The following DPP6 variants were observed in gnomAD, a reference collection of about 807,000 sequenced individuals.
DPP6 encodes A-type potassium channel modulatory protein DPP6.
A neutral mutation model predicts 122.6 loss-of-function variants in DPP6; 69 were observed. That is an observed-to-expected ratio of 0.56 (90% confidence interval 0.46 to 0.69). The LOEUF (loss-of-function observed/expected upper bound fraction) is 0.69, where lower values mean the gene tolerates loss of function less well. DPP6 is among the 30% of genes least tolerant of loss of function. The pLI is 0.00. For missense variants in DPP6, 928 were observed against 1,116.9 expected (o/e 0.83, Z 2.41); for synonymous variants, 418 against 433.1 (o/e 0.97, Z 0.43).
intron 25 of DPP6, chr7:154,891,202 G>C (rs1240679665): frequency 1.3e-5 from 2 of 152,240 alleles, no homozygotes; most frequent in African/African-American, 4.8e-5. Flanking sequence ...TGGCATTCCA[G>C]CCTGGGCGAC....
At chr7:154,752,109 C>T (rs766456176) in intron 8 of DPP6, among the ~76,000 whole-genome samples, 7 of 152,044 alleles carry the variant, frequency 4.6e-5, no homozygotes, top group Non-Finnish European at 8.8e-5. Context: ...CATATAGGGG[C>T]CTTGTCTATG....
intron 1 of DPP6, among the ~76,000 whole-genome samples, chr7:154,268,386 T>A (rs960820937): frequency 6.6e-6 from 1 of 152,200 alleles, no homozygotes; most frequent in African/African-American, 2.4e-5. Context: ...AGATTCAGCA[T>A]CTGGTGAGGG....
chr7:154,348,549 G>A (rs1018813961), intron 1 of DPP6, among the ~76,000 whole-genome samples: 2 of 152,106 alleles, frequency 1.3e-5, no homozygotes, highest in East Asian at 1.9e-4. Context: ...CCCAAAGCAC[G>A]TAGAAGTCAT....
rs939195728 is a variant in DPP6, at chr7:154,879,284, A to G, written c.2079-1604A>G. Among the ~76,000 whole-genome samples, 3 of 92,706 alleles carry G rather than the reference A, an allele frequency of 3.2e-5. 1 individual carries two copies. Among genetic ancestry groups the G allele is most frequent in the Non-Finnish European group, 5.8e-5 (3 of 51,476 alleles). 60.8% of individuals were successfully genotyped at this position (92,706 alleles called of 152,430 possible). A position where few individuals can be genotyped will look rare whatever the true frequency, so the allele number is the denominator to read the frequency against. On this transcript the variant is annotated intron_variant, in intron 20 of 25. Transcript: ENST00000377770. ...AACATGGTGAAACCCCGTCTCTATT[A>G]AAAACACAAAAATCGGCCGGGCGCG...
intron 6 of DPP6, among the ~76,000 whole-genome samples, chr7:154,665,698 C>G (rs1253124664): frequency 6.6e-6 from 1 of 151,994 alleles, no homozygotes; most frequent in Non-Finnish European, 1.5e-5. Context: ...TGGACAGACG[C>G]AGGACATATT....
At chr7:153,953,365 C>A (rs1457374744) in intron 1 of DPP6, among the ~76,000 whole-genome samples, 4 of 152,096 alleles carry the variant, frequency 2.6e-5, no homozygotes, top group Non-Finnish European at 5.9e-5. Flanking sequence ...AGAGATGGAA[C>A]TAAGGAAATG....
chr7:154,458,367 C>T (rs993197817), intron 2 of DPP6, among the ~76,000 whole-genome samples: 1 of 152,194 alleles, frequency 6.6e-6, no homozygotes, highest in East Asian at 1.9e-4. Flanking sequence ...CCTTTGCCTT[C>T]CACCATGATT....
At chr7:154,382,331 T>C (rs1049894295) in intron 1 of DPP6, among the ~76,000 whole-genome samples, 2 of 151,970 alleles carry the variant, frequency 1.3e-5, no homozygotes, top group African/African-American at 4.8e-5. Context: ...ACCACAAGCT[T>C]GCGCCACCAC....
chr7:154,203,579 A>C (rs1799281177), intron 1 of DPP6, among the ~76,000 whole-genome samples: 1 of 152,190 alleles, frequency 6.6e-6, no homozygotes, highest in Non-Finnish European at 1.5e-5. Context: ...AAGGACAGAC[A>C]CACCCAACTG....
chr7:153,891,751 C>A (rs991388518), intron 1 of DPP6, among the ~76,000 whole-genome samples: 1 of 152,170 alleles, frequency 6.6e-6, no homozygotes, highest in Non-Finnish European at 1.5e-5. Flanking sequence ...GACTAAACAT[C>A]TTGGGGACTG....
At chr7:154,656,157 G>C (rs1354354737) in intron 6 of DPP6, among the ~76,000 whole-genome samples, 2 of 147,828 alleles carry the variant, frequency 1.4e-5, no homozygotes, top group Non-Finnish European at 3.0e-5. Flanking sequence ...CAGAGACGAG[G>C]ACCAGAGAGG....
At chr7:153,914,371 A>G (rs536837801) in intron 1 of DPP6, among the ~76,000 whole-genome samples, 1 of 152,260 alleles carries the variant, frequency 6.6e-6, no homozygotes, top group East Asian at 1.9e-4. Context: ...ACTAATACAT[A>G]TGGCTAAGTC....
intron 1 of DPP6, among the ~76,000 whole-genome samples, chr7:154,423,392 T>C (rs1241936492): frequency 1.3e-5 from 2 of 152,078 alleles, no homozygotes; most frequent in Non-Finnish European, 2.9e-5. Context: ...AGAGGCTCTG[T>C]CCTCAGGTGT....
chr7:154,765,947 A>G (rs541169971), intron 8 of DPP6, among the ~76,000 whole-genome samples: 5 of 152,348 alleles, frequency 3.3e-5, no homozygotes, highest in African/African-American at 1.2e-4. Context: ...TGCCTCATTA[A>G]GCTGGAATCC....
At chr7:154,545,384 G>A (rs1181068095) in intron 4 of DPP6, among the ~76,000 whole-genome samples, 1 of 151,842 alleles carries the variant, frequency 6.6e-6, no homozygotes, top group African/African-American at 2.4e-5. Flanking sequence ...AAGTCCTCAT[G>A]AATTTTTATC....
rs117021269 is a variant in DPP6, at chr7:154,817,396, A to G, written c.1666+10284A>G. 1.6e-3 allele frequency among the ~76,000 whole-genome samples: 249 copies of G among 152,310 alleles called. 1 individual carries two copies. Among genetic ancestry groups the G allele is most frequent in the Non-Finnish European group, 1.2e-3 (83 of 68,024 alleles). Reference sequence around the variant, plus strand: ...CAAAAGTCATGATGTCATTAACATCATGAGTGATTTATGATGTCATGAACA... The same window carrying G: ...CAAAAGTCATGATGTCATTAACATCGTGAGTGATTTATGATGTCATGAACA... On this transcript the variant is annotated intron_variant, in intron 16 of 25. Coordinates refer to ENST00000377770, the MANE Select transcript of DPP6 (RefSeq NM_130797.4).
chr7:154,831,091 C>G (rs1313485360), intron 16 of DPP6, among the ~76,000 whole-genome samples: 1 of 152,180 alleles, frequency 6.6e-6, no homozygotes, highest in East Asian at 1.9e-4. Flanking sequence ...CAGAAGCCAC[C>G]CTGCCCCAAC....
At chr7:154,304,820 T>A (rs1806147948) in intron 1 of DPP6, among the ~76,000 whole-genome samples, 1 of 152,124 alleles carries the variant, frequency 6.6e-6, no homozygotes, top group Non-Finnish European at 1.5e-5. Context: ...TCAGACACTT[T>A]GCACCAAGAA....
intron 1 of DPP6, among the ~76,000 whole-genome samples, chr7:153,960,715 A>ATGTG (rs1207267043): frequency 1.4e-4 from 8 of 56,108 alleles, no homozygotes; most frequent in East Asian, 3.4e-3. Flanking sequence ...ATGTGTGTGC[A>ATGTG]TGCGTGTGTG....
Sources: allele counts gnomAD v4.1 joint callset (sites outside exome capture counted in the v4.1 genomes callset), GRCh38; gene constraint gnomAD v4.1.1; transcripts MANE v1.5; gene names NCBI Gene and HGNC (gene_info 2026-07-23, HGNC 2026-07-21).